COL4A6: variants seen among roughly 807,000 people sequenced by gnomAD.
COL4A6 encodes the protein collagen type IV alpha 6 chain, also known as collagen alpha-6(IV) chain.
A neutral mutation model predicts 126.7 loss-of-function variants in COL4A6; 59 were observed. The ratio of observed to expected loss-of-function variants is 0.47; its 90% CI spans 0.38 to 0.58. COL4A6 has a LOEUF of 0.58. Among genes scored for constraint, COL4A6 ranks in the 20% least tolerant of loss-of-function variants. The pLI is 0.00. For synonymous variants in COL4A6, 547 were observed against 496.6 expected, an observed-to-expected ratio of 1.10 and a Z score of -1.35; for missense variants, 1,285 against 1,337.3, an observed-to-expected ratio of 0.96 and a Z score of 0.61.
chrX:108,321,748 G>C lies in COL4A6; in HGVS notation c.64-10920C>G, dbSNP rs780212663. Among the ~76,000 whole-genome samples the C allele has an allele frequency of 5.4e-5, 6 of 110,948 alleles. No individual in the cohort carries two copies. In the South Asian group the frequency reaches 2.3e-3, roughly 43 times the overall value. Reference sequence around the variant, plus strand: ...TCTTCATTCCCTGCCAGTGGCCTCAGGGTCCAGAAATTCTGAGGCCTCTTT... The same window carrying C: ...TCTTCATTCCCTGCCAGTGGCCTCACGGTCCAGAAATTCTGAGGCCTCTTT... On this transcript the variant is annotated intron_variant, in intron 2 of 44. Coordinates refer to ENST00000334504, the MANE Select transcript of COL4A6 (RefSeq NM_033641.4).
At chrX:108,188,410 T>C in intron 21 of COL4A6, 107 bp downstream of exon 21, 1 of 833,887 alleles carries the variant, frequency 1.2e-6, no homozygotes, top group Non-Finnish European at 1.6e-6. Flanking sequence ...AAAACTTTGT[T>C]TTAATCCCAT....
intron 3 of COL4A6, among the ~76,000 whole-genome samples, chrX:108,253,331 A>C (rs2036904993): frequency 8.9e-6 from 1 of 112,314 alleles, no homozygotes; most frequent in South Asian, 3.6e-4. Context: ...TCTTTTTAAA[A>C]ATTATTGTTC....
At chrX:108,219,953 CT>C (rs1330784513) in intron 4 of COL4A6, among the ~76,000 whole-genome samples, 1 of 110,582 alleles carries the variant, frequency 9.0e-6, no homozygotes, top group East Asian at 2.8e-4. Context: ...GAAACCAGCT[CT>C]TTTTTTTAAG....
chrX:108,323,579 G>T, intron 2 of COL4A6, among the ~76,000 whole-genome samples: 1 of 111,698 alleles, frequency 9.0e-6, no homozygotes, highest in East Asian at 2.8e-4. Context: ...TCTAGTCATA[G>T]AAGTCTATTT....
chrX:108,170,780 T>C (rs776207435), intron 34 of COL4A6, 30 bp downstream of exon 34: 1 of 1,206,248 alleles, frequency 8.3e-7, no homozygotes, highest in South Asian at 1.8e-5. Context: ...CCAAACTCTT[T>C]CAGAATAAGG....
intron 5 of COL4A6, among the ~76,000 whole-genome samples, chrX:108,216,765 T>C (rs1264398027): frequency 1.8e-5 from 2 of 112,809 alleles, no homozygotes; most frequent in Non-Finnish European, 3.8e-5. Context: ...TAAAGCAATG[T>C]TCCTCAGAAC....
chrX:108,282,905 C>G (rs899742011), intron 3 of COL4A6, among the ~76,000 whole-genome samples: 60 of 104,324 alleles, frequency 5.8e-4, no homozygotes, highest in African/African-American at 1.9e-3. Context: ...GAACATAAAA[C>G]CAAACACCGC....
At chrX:108,406,435 C>T (rs909671453) in intron 2 of COL4A6, among the ~76,000 whole-genome samples, 12 of 112,423 alleles carry the variant, frequency 1.1e-4, no homozygotes, top group Non-Finnish European at 1.9e-4. Flanking sequence ...ATCACTATCA[C>T]TTACATGATA....
rs149204087 is a variant in COL4A6 at position 108,389,460 on chromosome X, C to T, written c.63+48482G>A. 2.3e-3 allele frequency among the ~76,000 whole-genome samples: 252 copies of T among 111,577 alleles called. 1 individual carries two copies. Among genetic ancestry groups the T allele is most frequent in the African/African-American group, 7.9e-3 (242 of 30,700 alleles). On this transcript the variant is annotated intron_variant, in intron 2 of 44. Transcript: ENST00000334504. ...TCTTCTTTTGCATTGATCCCTTTAC[C>T]ATTATATAATGACCTTCTTTCTCTC... is the stretch of plus-strand genomic sequence containing the variant.
chrX:108,403,586 A>G (rs914492772), intron 2 of COL4A6, among the ~76,000 whole-genome samples: 12 of 110,746 alleles, frequency 1.1e-4, no homozygotes, highest in Admixed American at 9.7e-4. Context: ...TTCTTATTTT[A>G]ATAAATGCGT....
chrX:108,427,975 A>T (rs995216406), intron 2 of COL4A6, among the ~76,000 whole-genome samples: 1 of 111,284 alleles, frequency 9.0e-6, no homozygotes, highest in African/African-American at 3.3e-5. Flanking sequence ...TGCTTTGTAA[A>T]CTTGAAAGAC....
At chrX:108,292,993 C>CAAAAAAAAAAAAAAAAAA (rs149076547) in intron 3 of COL4A6, among the ~76,000 whole-genome samples, 2 of 14,557 alleles carry the variant, frequency 1.4e-4, no homozygotes, top group Admixed American at 1.4e-3. Context: ...AGGAAAAAAG[C>CAAAAAAAAAAAAAAAAAA]AAAAAAAAAA....
chrX:108,183,584 C>CA (rs1424979058), intron 23 of COL4A6: 4 of 337,245 alleles, frequency 1.2e-5, no homozygotes, highest in Non-Finnish European at 1.4e-5. Context: ...GCATCCCAGC[C>CA]TTAGACTCCC....
intron 2 of COL4A6, among the ~76,000 whole-genome samples, chrX:108,384,749 A>G (rs2040645179): frequency 3.6e-5 from 4 of 112,337 alleles, no homozygotes; most frequent in Admixed American, 9.4e-5. Context: ...TCGACTCTCA[A>G]CTGCTCTCAT....
intron 2 of COL4A6, among the ~76,000 whole-genome samples, chrX:108,358,360 C>T (rs990517493): frequency 3.7e-5 from 4 of 109,497 alleles, no homozygotes; most frequent in Non-Finnish European, 5.7e-5. Context: ...TTAGCTATAA[C>T]GTCTAAGAAG....
chrX:108,338,636 G>A (rs1342572077), intron 2 of COL4A6, among the ~76,000 whole-genome samples: 1 of 111,681 alleles, frequency 9.0e-6, no homozygotes, highest in Non-Finnish European at 1.9e-5. Flanking sequence ...AGAATGGTTT[G>A]TTCGCCCCTT....
At position 108,408,285 on chromosome X, in the gene COL4A6, T is replaced by C. The variant is rs917687446; in HGVS notation, c.63+29657A>G. Reference sequence around the variant, plus strand: ...TTGCAATGAGTGGAGACAAGGCCACTGCACTTCAGCCTGGGTGACAAAGCA... The same window carrying C: ...TTGCAATGAGTGGAGACAAGGCCACCGCACTTCAGCCTGGGTGACAAAGCA... On this transcript the variant is annotated intron_variant, in intron 2 of 44. Coordinates refer to ENST00000334504, the MANE Select transcript of COL4A6 (RefSeq NM_033641.4). Among the ~76,000 whole-genome samples, 3 of 109,869 alleles carry C rather than the reference T, an allele frequency of 2.7e-5. No homozygotes were observed. In the Admixed American group the frequency reaches 2.9e-4, roughly 11 times the overall value.
chrX:108,257,714 CG>C (rs2037043624), intron 3 of COL4A6, among the ~76,000 whole-genome samples: 2 of 110,754 alleles, frequency 1.8e-5, no homozygotes, highest in Admixed American at 9.6e-5. Context: ...CACCTTCCCC[CG>C]GAAGATCTCT....
intron 2 of COL4A6, among the ~76,000 whole-genome samples, chrX:108,351,739 G>A (rs1029654427): frequency 9.1e-6 from 1 of 109,686 alleles, no homozygotes; most frequent in African/African-American, 3.4e-5. Context: ...CAATAAAAAG[G>A]TTATTTTCAG....
Sources: allele counts gnomAD v4.1 joint callset (sites outside exome capture counted in the v4.1 genomes callset), GRCh38; gene constraint gnomAD v4.1.1; transcripts MANE v1.5; gene names NCBI Gene and HGNC (gene_info 2026-07-23, HGNC 2026-07-21).